Variants in PRMT5 observed in about 807,000 individuals in gnomAD.
PRMT5 encodes the protein protein arginine methyltransferase 5.
A neutral mutation model predicts 84.0 loss-of-function variants in PRMT5; 15 were observed. That is an observed-to-expected ratio of 0.18 (90% CI 0.12 to 0.28). The LOEUF (loss-of-function observed/expected upper bound fraction) is 0.28. Among genes scored for constraint, PRMT5 ranks in the 10% least tolerant of loss-of-function variants. The probability of loss-of-function intolerance (pLI) is 1.00; values close to 1 mark genes in which losing one functional copy is unlikely to be tolerated. For missense variants in PRMT5, 486 were observed against 808.0 expected (o/e 0.60, Z 4.83); for synonymous variants, 276 against 292.4 (o/e 0.94, Z 0.57).
Position 22,924,438 on chromosome 14 carries a change from A to G in PRMT5, c.1076+41T>C. On this transcript the variant is annotated intron_variant, in intron 10 of 16. Coordinates refer to ENST00000324366, the MANE Select transcript of PRMT5 (RefSeq NM_006109.5). This position sits in a 1 kb window ranked among gnomAD's most constrained non-coding sequence, Gnocchi z 6.5. ...TCAAGCAGACTTGGCATATACAGAT[A>G]TAGGTATGCAAGTCCCTGAGATTGA... 6.2e-7 allele frequency: 1 copy of G among 1,613,804 alleles called. No homozygotes were observed. Among genetic ancestry groups the G allele is most frequent in the Non-Finnish European group, 8.5e-7 (1 of 1,179,720 alleles).
At chr14:22,921,458 T>C (rs1280958689) in intron 16 of PRMT5, among the ~76,000 whole-genome samples, 2 of 152,150 alleles carry the variant, frequency 1.3e-5, no homozygotes, top group African/African-American at 4.8e-5. Flanking sequence ...GCTGAAGCAG[T>C]GTAAGCAAGG....
Position 22,921,045 on chromosome 14 carries a change from C to G in PRMT5, c.1773G>C (p.Thr591=). ...CACAGATGGTTTGGCCTTCACGTAC[C>G]GTTATGGGCTGCTGTAAGAAGAAAG... ...PILFPIKQPI[T]VREGQTICVR... The change falls in exon 17 of 17, where the codon ACG becomes ACC. Residue 591 remains threonine, a synonymous_variant. Transcript: ENST00000324366. The G allele has an allele frequency of 6.2e-7, 1 of 1,614,120 alleles. No homozygotes were observed. The highest frequency in any genetic ancestry group is 1.7e-5 in the Admixed American group (1 of 60,022).
intron 14 of PRMT5, 63 bp from the exon 15 acceptor site, chr14:22,922,622 T>A: frequency 6.6e-7 from 1 of 1,521,496 alleles, no homozygotes; most frequent in Non-Finnish European, 9.1e-7. Context: ...TGATAAAGCA[T>A]GAGCAAGACC....
chr14:22,925,089 G>A, intron 7 of PRMT5, 49 bp from the exon 8 acceptor site: 2 of 1,593,376 alleles, frequency 1.3e-6, no homozygotes, highest in Admixed American at 1.7e-5. Context: ...CCAAGATTCT[G>A]GAATATTATG....
At chr14:22,926,678 G>C (rs762503704) in intron 5 of PRMT5, 24 bp downstream of exon 5, 44 of 1,605,326 alleles carry the variant, frequency 2.7e-5, no homozygotes, top group Non-Finnish European at 6.8e-6. Context: ...TTGCACCCTG[G>C]TACAGCAGCA....
intron 16 of PRMT5, 147 bp from the exon 17 acceptor site, chr14:22,921,203 TAATC>T: frequency 1.0e-6 from 1 of 982,306 alleles, no homozygotes; most frequent in Non-Finnish European, 1.5e-6. Context: ...AGAACACAAA[TAATC>T]AAAGGTGTGG....
intron 3 of PRMT5, 104 bp from the exon 4 acceptor site, chr14:22,927,764 G>C (rs2044458370): frequency 2.0e-5 from 27 of 1,361,142 alleles, no homozygotes; most frequent in Non-Finnish European, 2.5e-5. Flanking sequence ...CTGGAGTGCA[G>C]TGGCACAGTC....
intron 16 of PRMT5, among the ~76,000 whole-genome samples, chr14:22,921,884 TAAAAAAA>T (rs34529278): frequency 5.8e-5 from 7 of 120,014 alleles, no homozygotes; most frequent in African/African-American, 1.9e-4. Flanking sequence ...TCCGTCTCTT[TAAAAAAA>T]AAAAAAAAAA....
At position 22,924,406 on chromosome 14, in the gene PRMT5, G is replaced by A. The variant is rs2044371056; in HGVS notation, c.1077-14C>T. 1 of 1,613,970 alleles carries A rather than the reference G, an allele frequency of 6.2e-7. No homozygotes were observed. The highest frequency in any genetic ancestry group is 1.3e-5 in the African/African-American group (1 of 74,978). Reference sequence around the variant, plus strand: ...ACCATCAGTACCCTAAGAAAGAAAGGGAAGAGTCAAGCAGACTTGGCATAT... The same window carrying A: ...ACCATCAGTACCCTAAGAAAGAAAGAGAAGAGTCAAGCAGACTTGGCATAT... On this transcript the variant is annotated splice_polypyrimidine_tract_variant and intron_variant, in intron 10 of 16. Coordinates refer to ENST00000324366, the MANE Select transcript of PRMT5 (RefSeq NM_006109.5). This position sits in a 1 kb window ranked among gnomAD's most constrained non-coding sequence, Gnocchi z 6.5.
chr14:22,920,606 A>G lies in PRMT5; in HGVS notation c.*298T>C, dbSNP rs1020026262. 2 of 603,584 alleles carry G rather than the reference A, an allele frequency of 3.3e-6. No homozygotes were observed. Among genetic ancestry groups the G allele is most frequent in the Non-Finnish European group, 6.4e-6 (2 of 314,730 alleles). The allele number at this position is 603,584 out of a possible 1,614,324, so 37.4% of individuals were successfully genotyped here. ...AAACAAGAACAGAAAAAGGCTGAAA[A>G]TCCGTTCAAACCCCATGTTCTCAGG... is the stretch of plus-strand genomic sequence containing the variant. On this transcript the variant is annotated 3_prime_UTR_variant, in exon 17 of 17. Transcript: ENST00000324366.
intron 3 of PRMT5, 29 bp from the exon 4 acceptor site, chr14:22,927,689 G>A: frequency 6.4e-7 from 1 of 1,571,524 alleles, no homozygotes; most frequent in Non-Finnish European, 8.6e-7. Context: ...GGAAAAGTTT[G>A]AGCTAACAAG....
Position 22,921,015 on chromosome 14 carries a change from A to G in PRMT5, c.1803T>C (p.Arg601=). The change falls in exon 17 of 17, where the codon CGT becomes CGC. Residue 601 remains arginine, a synonymous_variant. Coordinates refer to ENST00000324366, the MANE Select transcript of PRMT5 (RefSeq NM_006109.5). ...TCTTGGAATTGCTGCATCGCCAGAA[A>G]CGCACACAGATGGTTTGGCCTTCAC... ...TVREGQTICV[R]FWRCSNSKKV... 6.2e-7 allele frequency: 1 copy of G among 1,614,238 alleles called. No homozygotes were observed. Among genetic ancestry groups the G allele is most frequent in the East Asian group, 2.2e-5 (1 of 44,892 alleles).
intron 3 of PRMT5, 59 bp from the exon 4 acceptor site, chr14:22,927,719 T>G: frequency 1.9e-6 from 3 of 1,570,338 alleles, no homozygotes; most frequent in Non-Finnish European, 1.7e-6. Context: ...TTTTTTTTTT[T>G]TTTTTTGAGA....
In PRMT5 at chr14:22,928,820, CAT is replaced by C. The variant is rs2044483014; in HGVS notation, c.111-207_111-206del. On this transcript the variant is annotated intron_variant, in intron 1 of 16. Coordinates refer to ENST00000324366, the MANE Select transcript of PRMT5 (RefSeq NM_006109.5). The surrounding 1 kb of genome is among the most constrained non-coding windows in gnomAD (Gnocchi z 4.8). ...TTCTCCCTAAAACACAGCCATGGGA[CAT>C]ATGAGTAAGGAGAAAATGATGGATA... Among the ~76,000 whole-genome samples, 2 of 152,136 alleles carry C rather than the reference CAT, an allele frequency of 1.3e-5. No individual in the cohort carries two copies.
intron 16 of PRMT5, among the ~76,000 whole-genome samples, chr14:22,921,338 A>G (rs1403167729): frequency 6.6e-6 from 1 of 152,222 alleles, no homozygotes; most frequent in Non-Finnish European, 1.5e-5. Flanking sequence ...CCTAGAAGAT[A>G]GGTTAACTGT....
Position 22,923,115 on chromosome 14 carries a change from G to T in PRMT5, c.1421C>A (p.Pro474His). ...ATTGTACAGCTTGGAGGAAGAGATGGGAGCCAGAAAGGAAGTGTACTCCCC... is the reference window on the plus strand; with the variant it reads ...ATTGTACAGCTTGGAGGAAGAGATGTGAGCCAGAAAGGAAGTGTACTCCCC... Reference protein sequence around the residue: ...IPGEYTSFLAPISSSKLYNEV... With the variant: ...IPGEYTSFLAHISSSKLYNEV... The change falls in exon 13 of 17, where the codon CCC becomes CAC. Residue 474 changes from proline to histidine, a missense_variant. Around this residue, in one of 4 missense-constraint regions of PRMT5, gnomAD observed 219 missense variants for 433.6 expected, o/e 0.51. Transcript: ENST00000324366. This position sits in a 1 kb window ranked among gnomAD's most constrained non-coding sequence, Gnocchi z 5.2. 6.2e-7 allele frequency: 1 copy of T among 1,613,650 alleles called. No individual in the cohort carries two copies. Among genetic ancestry groups the T allele is most frequent in the Non-Finnish European group, 8.5e-7 (1 of 1,179,920 alleles).
Position 22,926,113 on chromosome 14 carries a change from A to G in PRMT5, c.777+20T>C, listed in dbSNP as rs1219727043. ...CAAGATGTATAGCTGGACTACCTTT[A>G]GAACCCTCCTACCACTCACCTTGAG... On this transcript the variant is annotated intron_variant, in intron 7 of 16. Coordinates refer to ENST00000324366, the MANE Select transcript of PRMT5 (RefSeq NM_006109.5). The G allele has an allele frequency of 1.3e-6, 2 of 1,589,926 alleles. No individual in the cohort carries two copies. Among genetic ancestry groups the G allele is most frequent in the Admixed American group, 3.3e-5 (2 of 59,742 alleles).
chr14:22,922,191 G>C lies in PRMT5; in HGVS notation c.1746C>G (p.Ile582Met). ...HSPGMFSWFP[I>M]LFPIKQPITV... ...CAGTTCCTACCTTAATAGGGAAGAG[G>C]ATGGGAAACCATGAGAACATCCCAG... The change falls in exon 16 of 17, where the codon ATC (isoleucine) becomes ATG (methionine). Residue 582 changes from isoleucine (I) to methionine (M), a missense_variant. By Grantham distance (10) the Ile-to-Met change is conservative. Coordinates refer to ENST00000324366, the MANE Select transcript of PRMT5 (RefSeq NM_006109.5). The C allele has an allele frequency of 6.3e-7, 1 of 1,586,846 alleles. No individual in the cohort carries two copies. Among genetic ancestry groups the C allele is most frequent in the African/African-American group, 1.3e-5 (1 of 74,420 alleles).
At position 22,922,156 on chromosome 14, in the gene PRMT5, G is replaced by A. The variant is rs1203431289; in HGVS notation, c.1761+20C>T. 1.3e-6 allele frequency: 2 copies of A among 1,536,288 alleles called. No individual in the cohort carries two copies. The highest frequency in any genetic ancestry group is 1.8e-6 in the Non-Finnish European group (2 of 1,109,344). On this transcript the variant is annotated intron_variant, in intron 16 of 16. Transcript: ENST00000324366. ...GCAAAGGTTACTGCTTAACTAGAGA[G>A]TCTTAAAAGCAGTTCCTACCTTAAT...
Sources: allele counts gnomAD v4.1 joint callset (sites outside exome capture counted in the v4.1 genomes callset), GRCh38; gene constraint gnomAD v4.1.1; regional missense constraint gnomAD v4.1.1; non-coding constraint Gnocchi (gnomAD v3.1); transcripts MANE v1.5; gene names NCBI Gene and HGNC (gene_info 2026-07-23, HGNC 2026-07-21).